TSC22D1: variants seen among roughly 807,000 people sequenced by gnomAD.
TSC22D1 encodes the protein TSC22 domain family member 1.
Under a neutral mutation model 74.2 loss-of-function variants are expected in TSC22D1, and 9 were observed. That is an observed-to-expected ratio of 0.12 (90% CI 0.07 to 0.21). TSC22D1 has a LOEUF of 0.21. TSC22D1 is among the 10% of genes least tolerant of loss of function. The probability of loss-of-function intolerance (pLI) is 1.00; values close to 1 mark genes in which losing one functional copy is unlikely to be tolerated. For missense variants in TSC22D1, 1,427 were observed against 1,304.7 expected, an observed-to-expected ratio of 1.09 and a Z score of -1.44; for synonymous variants, 586 against 492.5, an observed-to-expected ratio of 1.19 and a Z score of -2.51.
At chr13:44,459,081 G>T (rs374117203) in intron 1 of TSC22D1, among the ~76,000 whole-genome samples, 1 of 152,188 alleles carries the variant, frequency 6.6e-6, no homozygotes, top group East Asian at 1.9e-4. Flanking sequence ...TGGGATGGCA[G>T]TGAGAACTTG....
At chr13:44,490,432 T>C (rs925086468) in intron 1 of TSC22D1, among the ~76,000 whole-genome samples, 6 of 151,888 alleles carry the variant, frequency 4.0e-5, no homozygotes, top group Non-Finnish European at 8.8e-5. Flanking sequence ...GTGATATGAT[T>C]TGTACATTTT....
At chr13:44,509,159 T>G (rs1266845827) in intron 1 of TSC22D1, among the ~76,000 whole-genome samples, 2 of 152,040 alleles carry the variant, frequency 1.3e-5, no homozygotes, top group East Asian at 3.9e-4. Context: ...ATAAAATTAT[T>G]AGAAACAAAA....
At chr13:44,544,988 T>C (rs1374744613) in intron 1 of TSC22D1, among the ~76,000 whole-genome samples, 3 of 152,044 alleles carry the variant, frequency 2.0e-5, no homozygotes, top group African/African-American at 7.3e-5. Flanking sequence ...ATAAACTATA[T>C]TGACTATAAA....
chr13:44,436,231 C>G, intron 1 of TSC22D1, 136 bp from the exon 2 acceptor site: 1 of 1,095,204 alleles, frequency 9.1e-7, no homozygotes, highest in South Asian at 1.5e-5. Flanking sequence ...AATGTATCAC[C>G]CTCCAGAAAA....
rs1346621019 is a variant in TSC22D1, at chr13:44,574,699, G to A, written c.1376C>T (p.Thr459Ile). 3 of 1,614,076 alleles carry A rather than the reference G, an allele frequency of 1.9e-6. No homozygotes were observed. Among genetic ancestry groups the A allele is most frequent in the Non-Finnish European group, 2.5e-6 (3 of 1,180,030 alleles). Residue 459 changes from threonine to isoleucine, a missense_variant, in exon 1 of 3, where the codon ACT (threonine) becomes ATT (isoleucine). Physicochemically the swap from Thr to Ile is moderately conservative, Grantham distance 89. Around this residue, in one of 3 missense-constraint regions of TSC22D1, gnomAD observed 1,343 missense variants for 1,191.5 expected, o/e 1.13. Coordinates refer to ENST00000458659, the MANE Select transcript of TSC22D1 (RefSeq NM_183422.4). Reference protein sequence around the residue: ...ETVKQNPIEVTSERESTSGSS... With the variant: ...ETVKQNPIEVISERESTSGSS... ...CCCACTAGTGCTCTCCCTTTCAGAAGTCACTTCTATCGGATTTTGCTTTAC... is the reference window on the plus strand; with the variant it reads ...CCCACTAGTGCTCTCCCTTTCAGAAATCACTTCTATCGGATTTTGCTTTAC...
rs749524284 is a variant in TSC22D1, at chr13:44,544,543, T to TA, written c.2912+28619dup. ...TGTTAAAAAGAATTTTTTTTTTAAT[T>TA]AAAAAAAAAAAAAACCAACGGGAAG... On this transcript the variant is annotated intron_variant, in intron 1 of 2. Coordinates refer to ENST00000458659, the MANE Select transcript of TSC22D1 (RefSeq NM_183422.4). Among the ~76,000 whole-genome samples the TA allele has an allele frequency of 7.1e-3, 935 of 131,730 alleles. 5 individuals are homozygous for TA. Among genetic ancestry groups the TA allele is most frequent in the African/African-American group, 0.019 (705 of 36,406 alleles). 86.4% of individuals were successfully genotyped at this position (131,730 alleles called of 152,430 possible). A position where few individuals can be genotyped will look rare whatever the true frequency, so the allele number is the denominator to read the frequency against.
At chr13:44,445,946 A>C (rs1875599727) in intron 1 of TSC22D1, among the ~76,000 whole-genome samples, 1 of 152,242 alleles carries the variant, frequency 6.6e-6, no homozygotes, top group African/African-American at 2.4e-5. Flanking sequence ...AAAATGGTAC[A>C]ACCACTTTGC....
intron 1 of TSC22D1, among the ~76,000 whole-genome samples, chr13:44,547,125 T>C (rs911160449): frequency 3.3e-5 from 5 of 152,162 alleles, no homozygotes; most frequent in Admixed American, 6.6e-5. Flanking sequence ...ATTAAAAATA[T>C]AGAACAAAAC....
intron 1 of TSC22D1, among the ~76,000 whole-genome samples, chr13:44,550,182 T>C (rs1882136786): frequency 6.6e-6 from 1 of 152,218 alleles, no homozygotes; most frequent in Non-Finnish European, 1.5e-5. Flanking sequence ...GTTAACATTG[T>C]AATAACTATC....
intron 1 of TSC22D1, among the ~76,000 whole-genome samples, chr13:44,528,884 G>A (rs1163524973): frequency 6.6e-6 from 1 of 152,164 alleles, no homozygotes; most frequent in Non-Finnish European, 1.5e-5. Context: ...TAAGTTAGAT[G>A]AAATGGGCAA....
intron 1 of TSC22D1, among the ~76,000 whole-genome samples, chr13:44,557,689 A>G (rs939536550): frequency 2.0e-5 from 3 of 152,246 alleles, no homozygotes; most frequent in East Asian, 3.8e-4. Context: ...AAAATGTGCT[A>G]TTATTCAACT....
At chr13:44,459,445 T>G (rs778500250) in intron 1 of TSC22D1, among the ~76,000 whole-genome samples, 7 of 152,198 alleles carry the variant, frequency 4.6e-5, no homozygotes, top group Admixed American at 1.3e-4. Flanking sequence ...TCCTGAGAGC[T>G]GTTCTGTCAC....
intron 1 of TSC22D1, among the ~76,000 whole-genome samples, chr13:44,517,829 GTATATATATA>G (rs1555269397): frequency 2.1e-4 from 3 of 14,134 alleles, no homozygotes; most frequent in Non-Finnish European, 1.5e-4. Flanking sequence ...GTGTGTGTGT[GTATATATATA>G]TATATATATA....
chr13:44,575,811 AAG>A lies in TSC22D1; in HGVS notation c.262_263del (p.Leu88PhefsTer27). On this transcript the variant is annotated frameshift_variant, in exon 1 of 3. Transcript: ENST00000458659. LOFTEE classifies it high-confidence loss of function. ...GCTGTGCCTGCAGCTGAGCCTGCGAAAGGAGGTTCAGGCTTTGTGGAGGCGGA... is the reference window on the plus strand; with the variant it reads ...GCTGTGCCTGCAGCTGAGCCTGCGAAGAGGTTCAGGCTTTGTGGAGGCGGA... ...QPPPPQSLNL[L>X]SQAQLQAQPL... is the part of the protein sequence containing the mutation. 2 of 1,613,376 alleles carry A rather than the reference AAG, an allele frequency of 1.2e-6. No homozygotes were observed. The highest frequency in any genetic ancestry group is 3.3e-4 in the Middle Eastern group (2 of 6,056).
At chr13:44,526,474 G>C (rs989978168) in intron 1 of TSC22D1, among the ~76,000 whole-genome samples, 23 of 149,816 alleles carry the variant, frequency 1.5e-4, no homozygotes, top group African/African-American at 5.4e-4. Context: ...AAACTGAAAA[G>C]CAAAGAAAAA....
chr13:44,447,598 C>T (rs907982886), intron 1 of TSC22D1, among the ~76,000 whole-genome samples: 1 of 151,876 alleles, frequency 6.6e-6, no homozygotes, highest in Non-Finnish European at 1.5e-5. Flanking sequence ...TCTTAAAATG[C>T]TAATAGATTT....
intron 1 of TSC22D1, among the ~76,000 whole-genome samples, chr13:44,441,852 C>T (rs745668906): frequency 6.6e-6 from 1 of 152,098 alleles, no homozygotes; most frequent in Non-Finnish European, 1.5e-5. Flanking sequence ...TTCCAGGCTT[C>T]AGCAGAGCCC....
intron 1 of TSC22D1, among the ~76,000 whole-genome samples, chr13:44,500,137 G>A (rs1334345292): frequency 6.6e-6 from 1 of 151,174 alleles, no homozygotes. Flanking sequence ...AAAGCTCACG[G>A]CTAACTTACG....
At position 44,567,659 on chromosome 13, in the gene TSC22D1, A is replaced by T. The variant is rs573192727; in HGVS notation, c.2912+5504T>A. Among the ~76,000 whole-genome samples, 7 of 152,168 alleles carry T rather than the reference A, an allele frequency of 4.6e-5. No individual in the cohort carries two copies. The East Asian group carries it at 1.3e-3, about 29-fold the overall frequency. ...GTGATAAGGGAAATGGAAACTCAATAGAGCAAAAAGAAAAACAGATGAAAA... is the reference window on the plus strand; with the variant it reads ...GTGATAAGGGAAATGGAAACTCAATTGAGCAAAAAGAAAAACAGATGAAAA... On this transcript the variant is annotated intron_variant, in intron 1 of 2. Coordinates refer to ENST00000458659, the MANE Select transcript of TSC22D1 (RefSeq NM_183422.4).
Sources: allele counts gnomAD v4.1 joint callset (sites outside exome capture counted in the v4.1 genomes callset), GRCh38; gene constraint gnomAD v4.1.1; regional missense constraint gnomAD v4.1.1; transcripts MANE v1.5; gene names NCBI Gene and HGNC (gene_info 2026-07-23, HGNC 2026-07-21).